The following CDH18 variants were observed in gnomAD, a reference collection of about 807,000 sequenced individuals.
The protein encoded by CDH18 is cadherin 18, also known as cadherin-18.
CDH18 carries 31 observed loss-of-function variants against 67.9 expected under a neutral mutation model. That is an observed-to-expected ratio of 0.46 (90% CI 0.34 to 0.62). The LOEUF is 0.62. CDH18 is among the 20% of genes least tolerant of loss of function. CDH18 has a pLI of 0.01. For synonymous variants in CDH18, 362 were observed against 347.2 expected (o/e 1.04, Z -0.48); for missense variants, 890 against 975.5 (o/e 0.91, Z 1.17).
At chr5:19,714,580 T>G (rs998841576) in intron 5 of CDH18, among the ~76,000 whole-genome samples, 3 of 151,970 alleles carry the variant, frequency 2.0e-5, no homozygotes, top group African/African-American at 7.2e-5. Flanking sequence ...TACTTAGCTT[T>G]GATGATGACT....
chr5:19,881,262 C>A (rs1787607145), intron 2 of CDH18, among the ~76,000 whole-genome samples: 1 of 152,072 alleles, frequency 6.6e-6, no homozygotes, highest in Non-Finnish European at 1.5e-5. Flanking sequence ...AATATCTAGA[C>A]AAATATTTCT....
At chr5:19,670,742 T>C (rs1390656648) in intron 5 of CDH18, among the ~76,000 whole-genome samples, 1 of 152,094 alleles carries the variant, frequency 6.6e-6, no homozygotes, top group African/African-American at 2.4e-5. Context: ...CAAGATCAAC[T>C]GGGGAACACT....
rs147777564 is a variant in CDH18, at chr5:19,754,695, G to A, written c.229-7459C>T. ...ATAAATGCAGAACATTCCATCCAAC[G>A]GCTGCAATATACACATTCTATTCAA... On this transcript the variant is annotated intron_variant, in intron 3 of 12. Transcript: ENST00000382275. Among the ~76,000 whole-genome samples, 830 of 152,126 alleles carry A rather than the reference G, an allele frequency of 5.5e-3. 2 individuals are homozygous for A. The highest frequency in any genetic ancestry group is 0.012 in the South Asian group (57 of 4,818).
Position 19,919,247 on chromosome 5 carries a change from A to AAGAAGGACACAGCCAG in CDH18, c.-257+61812_-257+61813insCTGGCTGTGTCCTTCT, listed in dbSNP as rs548081936. Among the ~76,000 whole-genome samples the AAGAAGGACACAGCCAG allele has an allele frequency of 8.0e-3, 1,225 of 152,258 alleles. 17 individuals carry two copies. Among genetic ancestry groups the AAGAAGGACACAGCCAG allele is most frequent in the African/African-American group, 0.028 (1,165 of 41,540 alleles). ...TGTGTCCCTCTTCATCTGGCTGTTC[A>AAGAAGGACACAGCCAG]TTTGTATCATCTATGATATTATAAT... is the stretch of plus-strand genomic sequence containing the variant. On this transcript the variant is annotated intron_variant, in intron 2 of 12. Coordinates refer to ENST00000382275, the MANE Select transcript of CDH18 (RefSeq NM_004934.5).
chr5:19,505,835 A>G (rs938154474), intron 10 of CDH18, among the ~76,000 whole-genome samples: 2 of 152,080 alleles, frequency 1.3e-5, no homozygotes, highest in African/African-American at 4.8e-5. Context: ...GGCCTCATAA[A>G]ATGAGTTAGG....
chr5:20,043,084 T>C (rs1207374135), intron 2 of CDH18, among the ~76,000 whole-genome samples: 1 of 152,144 alleles, frequency 6.6e-6, no homozygotes. Flanking sequence ...ATGTGGGGGT[T>C]GCCCTATGTA....
intron 1 of CDH18, among the ~76,000 whole-genome samples, chr5:20,482,079 A>G (rs981451851): frequency 1.3e-5 from 2 of 151,950 alleles, no homozygotes; most frequent in African/African-American, 4.8e-5. Context: ...GAAGAATAAA[A>G]TAAAATTATA....
chr5:19,974,837 G>T (rs570560800), intron 2 of CDH18, among the ~76,000 whole-genome samples: 2 of 152,130 alleles, frequency 1.3e-5, no homozygotes, highest in African/African-American at 4.8e-5. Context: ...GGTGCAGGGG[G>T]TGTGGGTGCT....
intron 2 of CDH18, among the ~76,000 whole-genome samples, chr5:19,899,063 G>C (rs1395076996): frequency 6.6e-6 from 1 of 152,130 alleles, no homozygotes; most frequent in Non-Finnish European, 1.5e-5. Flanking sequence ...AATTTGCTCA[G>C]CATTGCTAAT....
At chr5:19,656,828 T>C in intron 5 of CDH18, among the ~76,000 whole-genome samples, 1 of 151,864 alleles carries the variant, frequency 6.6e-6, no homozygotes, top group East Asian at 1.9e-4. Context: ...ACATTATATG[T>C]CTAGATTGAA....
intron 2 of CDH18, among the ~76,000 whole-genome samples, chr5:20,202,194 T>C (rs1479192005): frequency 6.6e-6 from 1 of 152,160 alleles, no homozygotes; most frequent in Non-Finnish European, 1.5e-5. Flanking sequence ...AAGTGGAGCA[T>C]TCCAGGACAT....
chr5:19,677,496 C>A (rs1759663049), intron 5 of CDH18, among the ~76,000 whole-genome samples: 1 of 151,774 alleles, frequency 6.6e-6, no homozygotes, highest in Non-Finnish European at 1.5e-5. Flanking sequence ...ATAAAGCAAC[C>A]AAACAATCAA....
intron 1 of CDH18, among the ~76,000 whole-genome samples, chr5:20,489,918 A>G (rs1478451149): frequency 6.6e-6 from 1 of 151,764 alleles, no homozygotes; most frequent in Non-Finnish European, 1.5e-5. Context: ...TAATAGATTC[A>G]ACTTTACTAA....
chr5:20,355,620 A>T (rs1741546367), intron 1 of CDH18, among the ~76,000 whole-genome samples: 1 of 152,218 alleles, frequency 6.6e-6, no homozygotes, highest in South Asian at 2.1e-4. Context: ...ATGATTACTT[A>T]TGATACAAAG....
intron 2 of CDH18, among the ~76,000 whole-genome samples, chr5:20,229,399 A>G (rs927487037): frequency 6.6e-6 from 1 of 152,076 alleles, no homozygotes; most frequent in Non-Finnish European, 1.5e-5. Flanking sequence ...ACTTTAAAAC[A>G]TGTACTGATT....
intron 2 of CDH18, among the ~76,000 whole-genome samples, chr5:19,980,176 A>C (rs191155419): frequency 1.3e-5 from 2 of 151,894 alleles, no homozygotes; most frequent in East Asian, 3.9e-4. Flanking sequence ...CCAAGCAGAG[A>C]ATCAAATCAA....
intron 2 of CDH18, among the ~76,000 whole-genome samples, chr5:20,097,610 T>G (rs1746102545): frequency 6.6e-6 from 1 of 152,280 alleles, no homozygotes; most frequent in African/African-American, 2.4e-5. Context: ...AAAAATGGCT[T>G]GTATTATATT....
At chr5:20,379,396 C>A (rs903726237) in intron 1 of CDH18, among the ~76,000 whole-genome samples, 1 of 152,116 alleles carries the variant, frequency 6.6e-6, no homozygotes, top group African/African-American at 2.4e-5. Context: ...TTCAGTTTCT[C>A]CTGAGCAGGT....
At chr5:20,415,049 A>G (rs1029795838) in intron 1 of CDH18, among the ~76,000 whole-genome samples, 2 of 152,220 alleles carry the variant, frequency 1.3e-5, no homozygotes, top group African/African-American at 4.8e-5. Context: ...TTGCAGCAGT[A>G]TGCATAGCAG....
Sources: gnomAD v4.1 joint callset for allele counts (sites outside exome capture counted in the v4.1 genomes callset) on GRCh38, gnomAD v4.1.1 for gene constraint, MANE v1.5 for transcripts, NCBI Gene and HGNC (gene_info 2026-07-23, HGNC 2026-07-21) for gene names.